Variants in SLC38A10 observed in about 807,000 individuals in gnomAD.
SLC38A10 encodes Sodium-coupled neutral amino acid transporter 10.
A neutral mutation model predicts 81.0 loss-of-function variants in SLC38A10; 53 were observed. That is an observed-to-expected ratio of 0.65 (90% CI 0.53 to 0.82). SLC38A10 has a LOEUF of 0.82. SLC38A10 is among the 40% of genes least tolerant of loss of function. SLC38A10 has a pLI of 0.00. For synonymous variants in SLC38A10, 665 were observed against 655.3 expected (o/e 1.01, Z -0.23); for missense variants, 1,471 against 1,545.0 (o/e 0.95, Z 0.80).
At position 81,246,363 on chromosome 17, in the gene SLC38A10, G is replaced by A. The variant is rs1198068432; in HGVS notation, c.2553C>T (p.Leu851=). 3 of 1,604,250 alleles carry A rather than the reference G, an allele frequency of 1.9e-6. No individual in the cohort carries two copies. Among genetic ancestry groups the A allele is most frequent in the South Asian group, 2.2e-5 (2 of 90,810 alleles). The change falls in exon 16 of 16, where the codon CTC becomes CTT. Residue 851 remains leucine (L), a synonymous_variant. Transcript: ENST00000374759. The part of the protein sequence containing the change: ...APRAAGTVKE[L]PKGPEQVPVP... Reference sequence around the variant, plus strand: ...CGGGCACCTGCTCCGGGCCCTTGGGGAGCTCCTTCACAGTGCCAGCTGCCC... The same window carrying A: ...CGGGCACCTGCTCCGGGCCCTTGGGAAGCTCCTTCACAGTGCCAGCTGCCC...
chr17:81,264,776 A>C (rs1190863172), intron 10 of SLC38A10: 1 of 152,242 alleles, frequency 6.6e-6, no homozygotes, highest in East Asian at 1.9e-4. Flanking sequence ...CCCGAGCCTC[A>C]GCAGGCCTTG....
rs2146923664 is a variant in SLC38A10, at chr17:81,270,019, A to AT, written c.1131+898dup. Among the ~76,000 whole-genome samples, 1 of 152,330 alleles carries AT rather than the reference A, an allele frequency of 6.6e-6. No individual in the cohort carries two copies. The highest frequency in any genetic ancestry group is 2.4e-5 in the African/African-American group (1 of 41,576). On this transcript the variant is annotated intron_variant, in intron 10 of 15. Transcript: ENST00000374759. This position sits in a 1 kb window ranked among gnomAD's most constrained non-coding sequence, Gnocchi z 4.0. The stretch of plus-strand genomic sequence containing the variant: ...CAGTAAGAAAAAGCTCAACAACTCC[A>AT]TAAAAAGTGAGCAAAGAACACAAGC...
chr17:81,245,230 CGCAGCA>C lies in SLC38A10; in HGVS notation c.*320_*325del. 6.9e-6 allele frequency: 2 copies of C among 291,344 alleles called. No individual in the cohort carries two copies. The highest frequency in any genetic ancestry group is 1.5e-4 in the South Asian group (2 of 13,126). The allele number at this position is 291,344 out of a possible 1,614,324, so 18.0% of individuals were successfully genotyped here. A position where few individuals can be genotyped will look rare whatever the true frequency, so the allele number is the denominator to read the frequency against. ...CAGGAGCAGGAGGCCTGACCACAGACGCAGCAGCTCCCCAGCCTGAGCCTGGGAGTG... is the reference window on the plus strand; with the variant it reads ...CAGGAGCAGGAGGCCTGACCACAGACGCTCCCCAGCCTGAGCCTGGGAGTG... On this transcript the variant is annotated 3_prime_UTR_variant, in exon 16 of 16. Coordinates refer to ENST00000374759, the MANE Select transcript of SLC38A10 (RefSeq NM_001037984.3).
chr17:81,273,849 C>A (rs1041262159), intron 8 of SLC38A10, among the ~76,000 whole-genome samples: 1 of 152,136 alleles, frequency 6.6e-6, no homozygotes, highest in Non-Finnish European at 1.5e-5. Flanking sequence ...GAAGCAGAGC[C>A]CCTGCAGGCT....
chr17:81,289,835 T>C lies in SLC38A10; in HGVS notation c.100-27A>G. ...TGCAGGGTGGAGACAGGAACACATG[T>C]TCACAGCAGCAGGTGCTCCCCAGAG... On this transcript the variant is annotated intron_variant, in intron 1 of 15. Coordinates refer to ENST00000374759, the MANE Select transcript of SLC38A10 (RefSeq NM_001037984.3). This position sits in a 1 kb window ranked among gnomAD's most constrained non-coding sequence, Gnocchi z 5.9. 6.5e-7 allele frequency: 1 copy of C among 1,546,314 alleles called. No individual in the cohort carries two copies. Among genetic ancestry groups the C allele is most frequent in the South Asian group, 1.2e-5 (1 of 83,766 alleles).
intron 14 of SLC38A10, 109 bp downstream of exon 14, chr17:81,251,384 G>A (rs370290548): frequency 1.2e-6 from 2 of 1,612,552 alleles, no homozygotes; most frequent in Non-Finnish European, 8.5e-7. Flanking sequence ...GAAAGAGAAG[G>A]GGGGCCTGGC....
intron 11 of SLC38A10, among the ~76,000 whole-genome samples, chr17:81,257,518 C>T (rs1457099567): frequency 6.6e-6 from 1 of 152,242 alleles, no homozygotes; most frequent in Non-Finnish European, 1.5e-5. Context: ...TCTGAGATCA[C>T]CCCGCCATCC....
At position 81,250,687 on chromosome 17, in the gene SLC38A10, T is replaced by G. The variant is rs539082615; in HGVS notation, c.2065+806A>C. On this transcript the variant is annotated intron_variant, in intron 14 of 15. Coordinates refer to ENST00000374759, the MANE Select transcript of SLC38A10 (RefSeq NM_001037984.3). ...GACACTGCCACCAAATGCACGTGAC[T>G]TTTGGTGAGCGGGGGCCCAGCCACA... Among the ~76,000 whole-genome samples, 12 of 152,322 alleles carry G rather than the reference T, an allele frequency of 7.9e-5. No homozygotes were observed. In the South Asian group the frequency reaches 2.5e-3, roughly 32 times the overall value.
chr17:81,290,125 C>A (rs1441451119), intron 1 of SLC38A10, among the ~76,000 whole-genome samples: 2 of 152,214 alleles, frequency 1.3e-5, no homozygotes, highest in Non-Finnish European at 2.9e-5. Context: ...CCTACATGCA[C>A]CATCTTTAGC....
At chr17:81,262,097 G>A (rs756058235) in intron 10 of SLC38A10, among the ~76,000 whole-genome samples, 4 of 152,244 alleles carry the variant, frequency 2.6e-5, no homozygotes, top group Non-Finnish European at 4.4e-5. Flanking sequence ...CGGAACTCTC[G>A]CGAGGCTGCC....
chr17:81,272,585 GA>G lies in SLC38A10; in HGVS notation c.954del (p.Leu319SerfsTer46). ...GTFAAGGYMP[P>X]LRFKALTLSV... is the part of the protein sequence containing the mutation. ...GAGAGGGTAAGTGCTTTAAACCGGAGAGGGGGCATGTAGCCCCCTGCTGCAA... is the reference window on the plus strand; with the variant it reads ...GAGAGGGTAAGTGCTTTAAACCGGAGGGGGGCATGTAGCCCCCTGCTGCAA... On this transcript the variant is annotated frameshift_variant, in exon 9 of 16. Coordinates refer to ENST00000374759, the MANE Select transcript of SLC38A10 (RefSeq NM_001037984.3). LOFTEE classifies it high-confidence loss of function. 1 of 1,584,026 alleles carries G rather than the reference GA, an allele frequency of 6.3e-7. No homozygotes were observed. Among genetic ancestry groups the G allele is most frequent in the Non-Finnish European group, 8.6e-7 (1 of 1,167,262 alleles).
intron 14 of SLC38A10, chr17:81,251,281 G>C (rs757180698): frequency 3.7e-6 from 6 of 1,607,658 alleles, no homozygotes; most frequent in Non-Finnish European, 5.1e-6. Context: ...GGTGTTTAAA[G>C]GGGAGTAAGG....
rs1009779624 is a variant in SLC38A10 at position 81,265,847 on chromosome 17, G to A, written c.1131+5071C>T. Among the ~76,000 whole-genome samples, 4 of 152,242 alleles carry A rather than the reference G, an allele frequency of 2.6e-5. No homozygotes were observed. The highest frequency in any genetic ancestry group is 4.8e-5 in the African/African-American group (2 of 41,470). ...TGGCCCCACGACCTACTGCGGAGCC[G>A]TAGGAGCGCTGGGGACAGGACGCAC... On this transcript the variant is annotated intron_variant, in intron 10 of 15. Coordinates refer to ENST00000374759, the MANE Select transcript of SLC38A10 (RefSeq NM_001037984.3). This position sits in a 1 kb window ranked among gnomAD's most constrained non-coding sequence, Gnocchi z 4.2.
chr17:81,252,804 A>G (rs1285783830), intron 12 of SLC38A10, 121 bp from the exon 13 acceptor site: 1 of 1,412,512 alleles, frequency 7.1e-7, no homozygotes, highest in Non-Finnish European at 9.4e-7. Flanking sequence ...GCCAACAGAT[A>G]CCACCTCCCC....
intron 1 of SLC38A10, among the ~76,000 whole-genome samples, chr17:81,291,198 C>T (rs549067704): frequency 1.1e-4 from 17 of 151,876 alleles, no homozygotes; most frequent in African/African-American, 3.9e-4. Flanking sequence ...CACATAAGTC[C>T]GGCTGGGCAC....
chr17:81,274,725 A>G (rs1001092818), intron 8 of SLC38A10, among the ~76,000 whole-genome samples: 1 of 152,090 alleles, frequency 6.6e-6, no homozygotes, highest in African/African-American at 2.4e-5. Context: ...GGAGAGAACC[A>G]GGACAGCCCC....
Position 81,276,388 on chromosome 17 carries a change from CTTT to C in SLC38A10, c.730-240_730-238del, listed in dbSNP as rs550850293. On this transcript the variant is annotated intron_variant, in intron 7 of 15. Coordinates refer to ENST00000374759, the MANE Select transcript of SLC38A10 (RefSeq NM_001037984.3). The surrounding 1 kb of genome is among the most constrained non-coding windows in gnomAD (Gnocchi z 4.7). ...CATGCCCATTTCTTTCTTTTTCTTT[CTTT>C]TTTTTTTTTTTTGAGACGGGGTCTC... Among the ~76,000 whole-genome samples the C allele has an allele frequency of 7.0e-5, 10 of 142,516 alleles. No individual in the cohort carries two copies. Among genetic ancestry groups the C allele is most frequent in the Non-Finnish European group, 1.1e-4 (7 of 65,018 alleles). The allele number at this position is 142,516 out of a possible 152,430, so 93.5% of individuals were successfully genotyped here.
intron 13 of SLC38A10, 129 bp from the exon 14 acceptor site, chr17:81,251,741 GCA>G (rs2062917022): frequency 8.0e-6 from 8 of 1,000,912 alleles, no homozygotes; most frequent in East Asian, 5.7e-5. Flanking sequence ...ACCCCCGTCA[GCA>G]CAGTTTATAT....
rs143498783 is a variant in SLC38A10, at chr17:81,277,058, A to C, written c.702T>G (p.Leu234=). The stretch of plus-strand genomic sequence containing the variant: ...TGACGTAGAAGGTGGTGACCACATT[A>C]AGGGAGGAAGCAAATATGGAGCTCA... ...KTMSSIFASS[L]NVVTTFYVMV... The change falls in exon 7 of 16, where the codon CTT becomes CTG. Residue 234 remains leucine (L), a synonymous_variant. Transcript: ENST00000374759. The surrounding 1 kb of genome is among the most constrained non-coding windows in gnomAD (Gnocchi z 4.5). The C allele has an allele frequency of 0.019, 30,442 of 1,613,936 alleles. 356 individuals are homozygous for C. Among genetic ancestry groups the C allele is most frequent in the Non-Finnish European group, 0.022 (26,502 of 1,179,860 alleles).
Sources: allele counts gnomAD v4.1 joint callset (sites outside exome capture counted in the v4.1 genomes callset), GRCh38; gene constraint gnomAD v4.1.1; non-coding constraint Gnocchi (gnomAD v3.1); transcripts MANE v1.5; gene names NCBI Gene and HGNC (gene_info 2026-07-23, HGNC 2026-07-21).